Variants in XPOT observed in about 807,000 individuals in gnomAD.
XPOT encodes exportin for tRNA.
XPOT carries 34 observed loss-of-function variants against 128.2 expected under a neutral mutation model. The ratio of observed to expected loss-of-function variants is 0.27; its 90% CI spans 0.20 to 0.35. The LOEUF is 0.35. Ranked by LOEUF, XPOT falls within the 10% of genes least tolerant of loss-of-function variation. The pLI, the probability that XPOT is intolerant of heterozygous loss-of-function variation, is 1.00. For missense variants in XPOT, 838 were observed against 1,125.3 expected (o/e 0.74, Z 3.65); for synonymous variants, 348 against 394.3 (o/e 0.88, Z 1.39).
intron 2 of XPOT, among the ~76,000 whole-genome samples, chr12:64,414,145 G>A (rs2040065637): frequency 6.6e-6 from 1 of 152,168 alleles, no homozygotes; most frequent in African/African-American, 2.4e-5. Context: ...CATGCTGATG[G>A]GAAGAGTGCC....
intron 23 of XPOT, among the ~76,000 whole-genome samples, chr12:64,441,493 A>C (rs1362328209): frequency 1.3e-5 from 2 of 152,198 alleles, no homozygotes; most frequent in African/African-American, 4.8e-5. Flanking sequence ...AGTGTGGTAC[A>C]TCCAGCTTTG....
chr12:64,413,010 C>A (rs753779163), intron 2 of XPOT, among the ~76,000 whole-genome samples: 2 of 152,254 alleles, frequency 1.3e-5, no homozygotes, highest in Non-Finnish European at 2.9e-5. Context: ...GTTTGCCAAC[C>A]TGGAAGTTCA....
intron 10 of XPOT, 60 bp from the exon 11 acceptor site, chr12:64,423,122 A>T (rs1020780194): frequency 1.3e-6 from 2 of 1,592,720 alleles, no homozygotes; most frequent in Non-Finnish European, 1.7e-6. Flanking sequence ...CTTAATTTCA[A>T]ATTATATCAA....
chr12:64,434,886 C>T lies in XPOT; in HGVS notation c.2662C>T (p.Leu888=), dbSNP rs750316964. 10 of 1,612,340 alleles carry T rather than the reference C, an allele frequency of 6.2e-6. No individual in the cohort carries two copies. In the South Asian group the frequency reaches 1.1e-4, roughly 18 times the overall value. The change falls in exon 21 of 25, where the codon CTG becomes TTG. Residue 888 remains leucine (L), a synonymous_variant. Coordinates refer to ENST00000332707, the MANE Select transcript of XPOT (RefSeq NM_007235.6). Reference sequence around the variant, plus strand: ...AGCACCTTTAAAACAAACCTTTGACCTGGCAGATGCACAAACAGTATTGGT... The same window carrying T: ...AGCACCTTTAAAACAAACCTTTGACTTGGCAGATGCACAAACAGTATTGGT... ...FLAPLKQTFD[L]ADAQTVLALS...
chr12:64,433,022 C>T, intron 18 of XPOT, among the ~76,000 whole-genome samples: 1 of 152,162 alleles, frequency 6.6e-6, no homozygotes, highest in Non-Finnish European at 1.5e-5. Flanking sequence ...TCACTGCAAC[C>T]TCCACCTCTC....
intron 2 of XPOT, among the ~76,000 whole-genome samples, chr12:64,410,856 C>T (rs544352369): frequency 1.3e-5 from 2 of 151,892 alleles, no homozygotes; most frequent in South Asian, 2.1e-4. Flanking sequence ...TTTTTAAAGA[C>T]GTGGGCATTT....
chr12:64,434,568 TC>T lies in XPOT; in HGVS notation c.2516del (p.Pro839GlnfsTer15), dbSNP rs2040267356. On this transcript the variant is annotated frameshift_variant, in exon 20 of 25. Coordinates refer to ENST00000332707, the MANE Select transcript of XPOT (RefSeq NM_007235.6). LOFTEE classifies it high-confidence loss of function. The part of the protein sequence containing the change: ...VIQGAVEYPD[P>X]IAQKTCFIIL... ...TCCAAGGAGCAGTTGAATATCCAGA[TC>T]CAATTGCACAGAAAACATGTTTTAT... 1 of 1,613,828 alleles carries T rather than the reference TC, an allele frequency of 6.2e-7. No individual in the cohort carries two copies. Among genetic ancestry groups the T allele is most frequent in the Admixed American group, 1.7e-5 (1 of 59,984 alleles).
intron 2 of XPOT, among the ~76,000 whole-genome samples, chr12:64,412,822 A>G (rs1038538934): frequency 6.6e-6 from 1 of 152,200 alleles, no homozygotes. Context: ...ATGATGGAGT[A>G]GCCTACAGAA....
chr12:64,426,937 C>T (rs1052876612), intron 15 of XPOT, among the ~76,000 whole-genome samples: 2 of 151,604 alleles, frequency 1.3e-5, no homozygotes, highest in Admixed American at 6.6e-5. Context: ...GAGCAGAGAT[C>T]GTGCCATTGC....
chr12:64,430,748 G>C (rs939894103), intron 17 of XPOT, among the ~76,000 whole-genome samples: 1 of 152,134 alleles, frequency 6.6e-6, no homozygotes, highest in Non-Finnish European at 1.5e-5. Context: ...TGCTAATTTA[G>C]AAGTTAAATT....
chr12:64,407,619 T>C (rs559212556), intron 1 of XPOT, among the ~76,000 whole-genome samples: 2 of 152,218 alleles, frequency 1.3e-5, no homozygotes, highest in South Asian at 2.1e-4. Flanking sequence ...TTGAAAGAGA[T>C]GGCTTCTAAG....
rs777570004 is a variant in XPOT at position 64,421,258 on chromosome 12, C to G, written c.867C>G (p.Ala289=). 3 of 1,613,522 alleles carry G rather than the reference C, an allele frequency of 1.9e-6. No individual in the cohort carries two copies. The highest frequency in any genetic ancestry group is 1.7e-5 in the Admixed American group (1 of 59,976). The change falls in exon 9 of 25, where the codon GCC becomes GCG. Residue 289 remains alanine, a synonymous_variant. Coordinates refer to ENST00000332707, the MANE Select transcript of XPOT (RefSeq NM_007235.6). ...AGGAAGAAGATGTTGACTTCCTGGC[C>G]AGATTTTCTAAGTTGGTAAATGGAA... ...IDQEEDVDFL[A]RFSKLVNGMG...
intron 2 of XPOT, among the ~76,000 whole-genome samples, chr12:64,414,450 A>T (rs2040068469): frequency 6.6e-6 from 1 of 152,236 alleles, no homozygotes; most frequent in South Asian, 2.1e-4. Flanking sequence ...GATAAGGTAC[A>T]CAGTATGTTT....
At position 64,434,586 on chromosome 12, in the gene XPOT, A is replaced by G; in HGVS notation, c.2532A>G (p.Thr844=). ...ATCCAGATCCAATTGCACAGAAAAC[A>G]TGTTTTATCATCCTCTCAAAGTTGG... is the stretch of plus-strand genomic sequence containing the variant. The part of the protein sequence containing the change: ...VEYPDPIAQK[T]CFIILSKLVE... Residue 844 remains threonine, a synonymous_variant, in exon 20 of 25, where the codon ACA becomes ACG. Transcript: ENST00000332707. 1 of 1,614,072 alleles carries G rather than the reference A, an allele frequency of 6.2e-7. No individual in the cohort carries two copies. Among genetic ancestry groups the G allele is most frequent in the South Asian group, 1.1e-5 (1 of 91,088 alleles).
rs1296424219 is a variant in XPOT at position 64,408,562 on chromosome 12, T to G, written c.-74-1400T>G. Among the ~76,000 whole-genome samples the G allele has an allele frequency of 2.6e-5, 4 of 152,236 alleles. No homozygotes were observed. In the East Asian group the frequency reaches 5.8e-4, roughly 22 times the overall value. Reference sequence around the variant, plus strand: ...AAACTAGGATGCCTTTTGCAGCTTATTATTTGAGAATGTTGGAACCTATAT... The same window carrying G: ...AAACTAGGATGCCTTTTGCAGCTTAGTATTTGAGAATGTTGGAACCTATAT... On this transcript the variant is annotated intron_variant, in intron 1 of 24. Coordinates refer to ENST00000332707, the MANE Select transcript of XPOT (RefSeq NM_007235.6).
At chr12:64,422,085 C>T (rs961997198) in intron 9 of XPOT, among the ~76,000 whole-genome samples, 2 of 152,240 alleles carry the variant, frequency 1.3e-5, no homozygotes, top group African/African-American at 4.8e-5. Context: ...GCTGGGATTA[C>T]AGGTGTGAGC....
intron 3 of XPOT, among the ~76,000 whole-genome samples, chr12:64,415,469 G>A (rs963714743): frequency 1.3e-5 from 2 of 151,934 alleles, no homozygotes; most frequent in African/African-American, 2.4e-5. Flanking sequence ...TCGCCTCCTG[G>A]GTTCTTGCCA....
chr12:64,440,697 T>C (rs981128915), intron 23 of XPOT, among the ~76,000 whole-genome samples: 1 of 152,086 alleles, frequency 6.6e-6, no homozygotes, highest in Non-Finnish European at 1.5e-5. Context: ...TTGATTTGCA[T>C]TTCCCTTATG....
chr12:64,414,226 T>G (rs1320238385), intron 2 of XPOT, among the ~76,000 whole-genome samples: 1 of 152,204 alleles, frequency 6.6e-6, no homozygotes, highest in South Asian at 2.1e-4. Flanking sequence ...CATTCTAGAG[T>G]ACTCTTGCTC....
Sources: gnomAD v4.1 joint callset for allele counts (sites outside exome capture counted in the v4.1 genomes callset) on GRCh38, gnomAD v4.1.1 for gene constraint, MANE v1.5 for transcripts, NCBI Gene and HGNC (gene_info 2026-07-23, HGNC 2026-07-21) for gene names.